The following CNTN1 variants were observed in gnomAD, a reference collection of about 807,000 sequenced individuals.
The protein encoded by CNTN1 is contactin 1, also known as contactin-1.
In CNTN1, 38 loss-of-function variants were observed where a neutral mutation model predicts 126.4. The ratio of observed to expected loss-of-function variants is 0.30; its 90% confidence interval spans 0.23 to 0.39. The LOEUF is 0.39. Among genes scored for constraint, CNTN1 ranks in the 10% least tolerant of loss-of-function variants. CNTN1 has a pLI of 1.00. For missense variants in CNTN1, 1,009 were observed against 1,248.4 expected (o/e 0.81, Z 2.89); for synonymous variants, 413 against 422.6 (o/e 0.98, Z 0.28).
chr12:40,704,563 A>C (rs866304891), intron 1 of CNTN1, among the ~76,000 whole-genome samples: 1 of 152,200 alleles, frequency 6.6e-6, no homozygotes, highest in African/African-American at 2.4e-5. Context: ...AGCCATAAAA[A>C]TTCACGGATG....
At chr12:40,694,576 T>A (rs1408530198) in intron 1 of CNTN1, among the ~76,000 whole-genome samples, 1 of 152,232 alleles carries the variant, frequency 6.6e-6, no homozygotes, top group African/African-American at 2.4e-5. Flanking sequence ...ATGTGGTTAA[T>A]GTTGATACCA....
intron 7 of CNTN1, among the ~76,000 whole-genome samples, chr12:40,931,426 C>G (rs1242032164): frequency 1.3e-5 from 2 of 151,610 alleles, no homozygotes; most frequent in Non-Finnish European, 2.9e-5. Context: ...GTATTCTCAC[C>G]CACTTACACA....
chr12:40,746,804 T>C (rs79500277), intron 1 of CNTN1, among the ~76,000 whole-genome samples: 2,491 of 152,180 alleles, frequency 0.016, 26 homozygotes, highest in African/African-American at 0.027. Flanking sequence ...AGTTAAACTC[T>C]GCCATTTTGC....
chr12:40,904,460 ACT>A (rs1451971155), intron 1 of CNTN1, among the ~76,000 whole-genome samples: 1 of 113,954 alleles, frequency 8.8e-6, no homozygotes, highest in East Asian at 2.5e-4. Context: ...TCAGAGTTTC[ACT>A]CTGTCACCCA....
intron 1 of CNTN1, among the ~76,000 whole-genome samples, chr12:40,751,186 G>T (rs757988746): frequency 3.9e-5 from 6 of 152,030 alleles, no homozygotes; most frequent in Non-Finnish European, 8.8e-5. Context: ...ATCTAACTGG[G>T]AATTATTTCA....
At chr12:40,748,872 A>C (rs561043304) in intron 1 of CNTN1, among the ~76,000 whole-genome samples, 1 of 152,274 alleles carries the variant, frequency 6.6e-6, no homozygotes, top group East Asian at 1.9e-4. Flanking sequence ...ATGCTTTGAC[A>C]ATAAGCAGTA....
intron 1 of CNTN1, among the ~76,000 whole-genome samples, chr12:40,768,181 T>A (rs1037387354): frequency 5.3e-5 from 8 of 152,242 alleles, no homozygotes; most frequent in African/African-American, 1.9e-4. Flanking sequence ...TAATAGTTGC[T>A]GTGTTACTTA....
intron 1 of CNTN1, among the ~76,000 whole-genome samples, chr12:40,895,789 G>C (rs1221718469): frequency 2.1e-5 from 3 of 145,222 alleles, no homozygotes; most frequent in African/African-American, 5.2e-5. Flanking sequence ...ACGGAGTCTG[G>C]CTCTGTCGCC....
intron 1 of CNTN1, among the ~76,000 whole-genome samples, chr12:40,836,151 T>C (rs2136566322): frequency 8.6e-6 from 1 of 116,376 alleles, no homozygotes; most frequent in East Asian, 3.9e-4. Flanking sequence ...TATACACATA[T>C]ATGATAATAT....
intron 1 of CNTN1, among the ~76,000 whole-genome samples, chr12:40,769,831 A>T (rs1939263213): frequency 6.6e-6 from 1 of 152,212 alleles, no homozygotes; most frequent in Non-Finnish European, 1.5e-5. Flanking sequence ...AATAAATTGT[A>T]ATATTTATAG....
intron 1 of CNTN1, chr12:40,895,844 G>A (rs1361810784): frequency 6.8e-6 from 1 of 146,640 alleles, no homozygotes; most frequent in Non-Finnish European, 1.5e-5. Flanking sequence ...TGCAAGCTCC[G>A]CCTCCCGGGT....
At position 40,918,835 on chromosome 12, in the gene CNTN1, A is replaced by G. The variant is rs1333886083; in HGVS notation, c.227+64A>G. The G allele has an allele frequency of 4.4e-6, 7 of 1,576,226 alleles. No individual in the cohort carries two copies. In the Middle Eastern group the frequency reaches 5.0e-4, roughly 113 times the overall value. ...GAGTAATGATCACAGATCAGCATCT[A>G]TGAACTTGTACAGATGTAATATAGT... On this transcript the variant is annotated intron_variant, in intron 4 of 23. Coordinates refer to ENST00000551295, the MANE Select transcript of CNTN1 (RefSeq NM_001843.4).
chr12:41,048,204 C>T (rs1949588417), intron 23 of CNTN1, among the ~76,000 whole-genome samples: 1 of 152,198 alleles, frequency 6.6e-6, no homozygotes, highest in South Asian at 2.1e-4. Flanking sequence ...ACACTGGTTT[C>T]ACCTTGAATT....
At chr12:41,010,247 TGTGAGACTG>T (rs938733485) in intron 17 of CNTN1, among the ~76,000 whole-genome samples, 2 of 152,176 alleles carry the variant, frequency 1.3e-5, no homozygotes, top group African/African-American at 4.8e-5. Flanking sequence ...TTGGACAATC[TGTGAGACTG>T]GTTTGGAACC....
intron 23 of CNTN1, among the ~76,000 whole-genome samples, chr12:41,049,950 T>C (rs1228130025): frequency 6.6e-6 from 1 of 152,190 alleles, no homozygotes; most frequent in East Asian, 1.9e-4. Flanking sequence ...CAGTCTGGAG[T>C]GCAGAGTAGC....
chr12:41,038,438 A>G (rs1019912916), intron 23 of CNTN1, among the ~76,000 whole-genome samples: 3 of 151,946 alleles, frequency 2.0e-5, no homozygotes, highest in Non-Finnish European at 2.9e-5. Flanking sequence ...GTGTCTTCCC[A>G]TGGCCTTCCC....
rs1282091600 is a variant in CNTN1 at position 40,797,753 on chromosome 12, G to A, written c.-77+105161G>A. Among the ~76,000 whole-genome samples the A allele has an allele frequency of 3.3e-5, 5 of 152,134 alleles. No individual in the cohort carries two copies. The South Asian group carries it at 1.0e-3, about 32-fold the overall frequency. On this transcript the variant is annotated intron_variant, in intron 1 of 23. Coordinates refer to ENST00000551295, the MANE Select transcript of CNTN1 (RefSeq NM_001843.4). ...CTTGGACTAGGTTAATGGCGATGAG[G>A]AGAGAAAGAATACAATGGATTCGGT...
chr12:40,846,657 T>A (rs1221277673), intron 1 of CNTN1, among the ~76,000 whole-genome samples: 1 of 151,458 alleles, frequency 6.6e-6, no homozygotes, highest in Non-Finnish European at 1.5e-5. Flanking sequence ...TGTATAGGCA[T>A]CCTCATTACA....
chr12:40,709,920 T>C (rs2121158507), intron 1 of CNTN1, among the ~76,000 whole-genome samples: 1 of 152,334 alleles, frequency 6.6e-6, no homozygotes, highest in South Asian at 2.1e-4. Context: ...TCTTTCTTAT[T>C]TGTGTGTACA....
Sources: gnomAD v4.1 joint callset for allele counts (sites outside exome capture counted in the v4.1 genomes callset) on GRCh38, gnomAD v4.1.1 for gene constraint, MANE v1.5 for transcripts, NCBI Gene and HGNC (gene_info 2026-07-23, HGNC 2026-07-21) for gene names.